Variants in KIF19 observed in about 807,000 individuals in gnomAD.
KIF19 encodes the protein kinesin-like protein KIF19.
In KIF19, 98 loss-of-function variants were observed where a neutral mutation model predicts 106.6. That is an observed-to-expected ratio of 0.92 (90% CI 0.78 to 1.09). The LOEUF (loss-of-function observed/expected upper bound fraction) is 1.09, where lower values mean the gene tolerates loss of function less well. KIF19 is among the 50% of genes least tolerant of loss of function. The pLI, the probability that KIF19 is intolerant of heterozygous loss-of-function variation, is 0.00. For missense variants in KIF19, 1,373 were observed against 1,414.3 expected (o/e 0.97, Z 0.47); for synonymous variants, 516 against 584.2 (o/e 0.88, Z 1.68).
chr17:74,352,009 C>A lies in KIF19; in HGVS notation c.1730C>A (p.Thr577Asn), dbSNP rs1398389585. 1.9e-6 allele frequency: 3 copies of A among 1,553,574 alleles called. No homozygotes were observed. Among genetic ancestry groups the A allele is most frequent in the South Asian group, 2.3e-5 (2 of 85,332 alleles). ...CRVHELEVENTEMQSHALLRD... is the reference protein window; with the variant it reads ...CRVHELEVENNEMQSHALLRD... ...GTGCACGAGCTCGAGGTGGAGAACA[C>A]CGAGATGCAGTCGCACGCGCTGCTC... The change falls in exon 13 of 20, where the codon ACC becomes AAC. Residue 577 changes from threonine (T) to asparagine (N), a missense_variant. Around this residue, in one of 3 missense-constraint regions of KIF19, gnomAD observed 1,020 missense variants for 1,008.2 expected, o/e 1.01. Coordinates refer to ENST00000389916, the MANE Select transcript of KIF19 (RefSeq NM_153209.4).
At chr17:74,332,212 G>GTGTGTGTGTGTT (rs2054110576) in intron 2 of KIF19, among the ~76,000 whole-genome samples, 1 of 38,002 alleles carries the variant, frequency 2.6e-5, no homozygotes, top group Non-Finnish European at 7.6e-5. Context: ...GTGTGTGTTT[G>GTGTGTGTGTGTT]TGTGTGTGTG....
rs964959915 is a variant in KIF19 at position 74,346,662 on chromosome 17, A to C, written c.924+138A>C. On this transcript the variant is annotated intron_variant, in intron 8 of 19. Transcript: ENST00000389916. The surrounding 1 kb of genome is among the most constrained non-coding windows in gnomAD (Gnocchi z 4.6). Reference sequence around the variant, plus strand: ...ATTTATTTTAGCGTAAATATGTCCCATGAAATATTTGGGATATTCTTATGC... The same window carrying C: ...ATTTATTTTAGCGTAAATATGTCCCCTGAAATATTTGGGATATTCTTATGC... The C allele has an allele frequency of 1.3e-6, 1 of 772,942 alleles. No individual in the cohort carries two copies. Among genetic ancestry groups the C allele is most frequent in the Non-Finnish European group, 2.1e-6 (1 of 484,258 alleles). The allele number at this position is 772,942 out of a possible 1,614,324, so 47.9% of individuals were successfully genotyped here.
chr17:74,339,941 G>A (rs1274253815), intron 2 of KIF19, among the ~76,000 whole-genome samples: 1 of 152,206 alleles, frequency 6.6e-6, no homozygotes, highest in Non-Finnish European at 1.5e-5. Flanking sequence ...TGATGGCAGA[G>A]TCATGGGTGC....
At chr17:74,340,664 C>A (rs2054347217) in intron 2 of KIF19, among the ~76,000 whole-genome samples, 1 of 152,236 alleles carries the variant, frequency 6.6e-6, no homozygotes, top group Non-Finnish European at 1.5e-5. Context: ...AGCCCCTCTG[C>A]CTCCCTTTCC....
chr17:74,340,556 T>G (rs61361433), intron 2 of KIF19, among the ~76,000 whole-genome samples: 1 of 151,788 alleles, frequency 6.6e-6, no homozygotes, highest in African/African-American at 2.4e-5. Flanking sequence ...TGCGCGCGCG[T>G]ACACACACAC....
intron 1 of KIF19, among the ~76,000 whole-genome samples, chr17:74,327,821 A>C (rs772716649): frequency 6.6e-6 from 1 of 152,244 alleles, no homozygotes; most frequent in Non-Finnish European, 1.5e-5. Flanking sequence ...CCCCACACCC[A>C]GCAGCTGTTG....
intron 1 of KIF19, 36 bp downstream of exon 1, chr17:74,326,424 C>T: frequency 1.2e-6 from 2 of 1,602,316 alleles, no homozygotes; most frequent in Non-Finnish European, 1.7e-6. Context: ...CCACCCCGCT[C>T]CGTGGTCTAC....
Position 74,354,884 on chromosome 17 carries a change from C to G in KIF19, c.2809C>G (p.Leu937Val), listed in dbSNP as rs771411567. The G allele has an allele frequency of 2.8e-5, 44 of 1,570,372 alleles. No individual in the cohort carries two copies. Among genetic ancestry groups the G allele is most frequent in the Middle Eastern group, 1.7e-4 (1 of 6,036 alleles). ...GCACCCAGCCCCTGGTATCCGGCAT[C>G]TGGGAAAGGTCACGCTACCTTTGGC... ...CRHPAPGIRH[L>V]GKVTLPLAKV... The change falls in exon 19 of 20, where the codon CTG (leucine) becomes GTG (valine). Residue 937 changes from leucine (L) to valine (V), a missense_variant. By Grantham distance (32) the Leu-to-Val change is conservative. Transcript: ENST00000389916.
rs955730703 is a variant in KIF19, at chr17:74,346,305, G to A, written c.778-73G>A. 6.8e-7 allele frequency: 1 copy of A among 1,479,700 alleles called. No homozygotes were observed. Among genetic ancestry groups the A allele is most frequent in the Non-Finnish European group, 9.1e-7 (1 of 1,094,500 alleles). 91.7% of individuals were successfully genotyped at this position (1,479,700 alleles called of 1,614,324 possible). A position where few individuals can be genotyped will look rare whatever the true frequency, so the allele number is the denominator to read the frequency against. On this transcript the variant is annotated intron_variant, in intron 7 of 19. Transcript: ENST00000389916. This position sits in a 1 kb window ranked among gnomAD's most constrained non-coding sequence, Gnocchi z 4.6. ...ACCCAGGATCACCAGGTCATTCATT[G>A]GTGGGGTGGCTGGGGAGAAACCCAG...
At position 74,344,261 on chromosome 17, in the gene KIF19, C is replaced by T. The variant is rs1299460989; in HGVS notation, c.495C>T (p.Ser165=). ...TGATCCGGGACCTGCTGAACCCCTC[C>T]CTGGGCTACCTGGAGCTGCGGGAGG... ...NEMIRDLLNP[S]LGYLELREDS... Residue 165 remains serine, a synonymous_variant, in exon 6 of 20, where the codon TCC becomes TCT. Transcript: ENST00000389916. The T allele has an allele frequency of 3.1e-6, 5 of 1,612,988 alleles. No homozygotes were observed. The African/African-American group carries it at 4.0e-5, about 13-fold the overall frequency.
At chr17:74,327,626 C>A (rs375908270) in intron 1 of KIF19, among the ~76,000 whole-genome samples, 15 of 152,308 alleles carry the variant, frequency 9.8e-5, no homozygotes, top group Non-Finnish European at 1.6e-4. Context: ...GCATGCACCA[C>A]CACGCCCAGC....
rs772036933 is a variant in KIF19 at position 74,355,420 on chromosome 17, G to C, written c.*108G>C. 46 of 1,380,778 alleles carry C rather than the reference G, an allele frequency of 3.3e-5. No homozygotes were observed. Among genetic ancestry groups the C allele is most frequent in the Non-Finnish European group, 4.1e-5 (43 of 1,045,974 alleles). The allele number at this position is 1,380,778 out of a possible 1,614,324, so 85.5% of individuals were successfully genotyped here. ...TGGAGATGACCAGGAAGTAAGCTCA[G>C]GATCTCAGCAGGCCAGGGCTCCTGA... is the stretch of plus-strand genomic sequence containing the variant. On this transcript the variant is annotated 3_prime_UTR_variant, in exon 20 of 20. Transcript: ENST00000389916.
intron 2 of KIF19, chr17:74,328,824 G>A (rs557639029): frequency 4.0e-5 from 9 of 224,414 alleles, no homozygotes; most frequent in South Asian, 2.2e-4. Flanking sequence ...ATATATGGTT[G>A]AGAGCTAAAG....
At chr17:74,354,139 A>G (rs1395500210) in intron 17 of KIF19, 23 bp from the exon 18 acceptor site, 48 of 1,585,466 alleles carry the variant, frequency 3.0e-5, no homozygotes, top group Non-Finnish European at 4.0e-5. Flanking sequence ...CTCGGGTTGT[A>G]TGTTCCCCGT....
Position 74,352,074 on chromosome 17 carries a change from C to T in KIF19, c.1795C>T (p.Arg599Cys). 1 of 1,592,646 alleles carries T rather than the reference C, an allele frequency of 6.3e-7. No homozygotes were observed. The highest frequency in any genetic ancestry group is 1.3e-5 in the African/African-American group (1 of 74,192). The change falls in exon 13 of 20, where the codon CGC becomes TGC. Residue 599 changes from arginine (R) to cysteine (C), a missense_variant. Coordinates refer to ENST00000389916, the MANE Select transcript of KIF19 (RefSeq NM_153209.4). ...CCGCCACCGCCACGAGGCCGTGCGC[C>T]GCCTGGAGCAGCACCGCAGTCTCTG... is the stretch of plus-strand genomic sequence containing the variant. ...ALRHRHEAVRRLEQHRSLCDE... is the reference protein window; with the variant it reads ...ALRHRHEAVRCLEQHRSLCDE...
At chr17:74,342,565 G>A in intron 3 of KIF19, 65 bp from the exon 4 acceptor site, 1 of 1,245,372 alleles carries the variant, frequency 8.0e-7, no homozygotes, top group East Asian at 2.3e-5. Context: ...GTCAGGAAGA[G>A]CCAGTGGGTG....
rs2054816622 is a variant in KIF19 at position 74,354,408 on chromosome 17, A to G, written c.2555A>G (p.Glu852Gly). ...SEDNLSSSTG[E>G]APSRAVGHHG... ...GACAACCTGTCCAGCAGCACGGGCG[A>G]GGCCCCGTCCCGGGCAGTCGGACAT... Residue 852 changes from glutamate to glycine, a missense_variant, in exon 18 of 20, where the codon GAG becomes GGG. Physicochemically the swap from Glu to Gly is moderately conservative, Grantham distance 98. Transcript: ENST00000389916. 6.2e-7 allele frequency: 1 copy of G among 1,611,312 alleles called. No individual in the cohort carries two copies. Among genetic ancestry groups the G allele is most frequent in the Non-Finnish European group, 8.5e-7 (1 of 1,179,344 alleles).
chr17:74,347,492 G>A (rs1158859559), intron 8 of KIF19, among the ~76,000 whole-genome samples: 2 of 150,772 alleles, frequency 1.3e-5, no homozygotes, highest in East Asian at 1.9e-4. Context: ...AGCTGAGACA[G>A]CGCCACTGCA....
Position 74,351,855 on chromosome 17 carries a change from C to A in KIF19, c.1588-12C>A, listed in dbSNP as rs554471623. On this transcript the variant is annotated splice_polypyrimidine_tract_variant and intron_variant, in intron 12 of 19. Coordinates refer to ENST00000389916, the MANE Select transcript of KIF19 (RefSeq NM_153209.4). Reference sequence around the variant, plus strand: ...CTCCCCGCTGCCAGATGCTGACCTGCGCCTCCTGCAGCTGGCGCTGGAGCA... The same window carrying A: ...CTCCCCGCTGCCAGATGCTGACCTGAGCCTCCTGCAGCTGGCGCTGGAGCA... 19 of 1,381,634 alleles carry A rather than the reference C, an allele frequency of 1.4e-5. No homozygotes were observed. Among genetic ancestry groups the A allele is most frequent in the South Asian group, 3.3e-5 (2 of 61,414 alleles). 85.6% of individuals were successfully genotyped at this position (1,381,634 alleles called of 1,614,324 possible). A position where few individuals can be genotyped will look rare whatever the true frequency, so the allele number is the denominator to read the frequency against.
Sources: allele counts gnomAD v4.1 joint callset (sites outside exome capture counted in the v4.1 genomes callset), GRCh38; gene constraint gnomAD v4.1.1; regional missense constraint gnomAD v4.1.1; non-coding constraint Gnocchi (gnomAD v3.1); transcripts MANE v1.5; gene names NCBI Gene and HGNC (gene_info 2026-07-23, HGNC 2026-07-21).